TLE5: variants seen among roughly 807,000 people sequenced by gnomAD.
TLE5 encodes the protein TLE family member 5.
TLE5 carries 7 observed loss-of-function variants against 25.8 expected under a neutral mutation model. That is an observed-to-expected ratio of 0.27 (90% CI 0.15 to 0.51). The LOEUF (loss-of-function observed/expected upper bound fraction) is 0.51. TLE5 is among the 20% of genes least tolerant of loss of function. The probability of loss-of-function intolerance (pLI) is 0.97; values close to 1 mark genes in which losing one functional copy is unlikely to be tolerated. For missense variants in TLE5, 149 were observed against 250.7 expected, an observed-to-expected ratio of 0.59 and a Z score of 2.74; for synonymous variants, 132 against 110.5, an observed-to-expected ratio of 1.20 and a Z score of -1.22.
rs761344986 is a variant in TLE5 at position 3,053,852 on chromosome 19, G to A, written c.561C>T (p.Thr187=). 6.2e-6 allele frequency: 10 copies of A among 1,613,194 alleles called. No individual in the cohort carries two copies. Among genetic ancestry groups the A allele is most frequent in the Non-Finnish European group, 8.5e-6 (10 of 1,180,020 alleles). The change falls in exon 7 of 7, where the codon ACC becomes ACT. Residue 187 remains threonine (T), a synonymous_variant. Coordinates refer to ENST00000327141, the MANE Select transcript of TLE5 (RefSeq NM_001130.6). ...KEDKNGHDGD[T]HQEDDGEKSD is the part of the protein sequence containing the mutation. Reference sequence around the variant, plus strand: ...ACTTCTCGCCATCATCCTCCTGGTGGGTGTCACCATCGTGCCCGTTCTTGT... The same window carrying A: ...ACTTCTCGCCATCATCCTCCTGGTGAGTGTCACCATCGTGCCCGTTCTTGT...
chr19:3,058,349 G>A (rs1298959519), intron 2 of TLE5, among the ~76,000 whole-genome samples: 1 of 152,142 alleles, frequency 6.6e-6, no homozygotes, highest in African/African-American at 2.4e-5. Context: ...TGGACACCCA[G>A]AGAGGGTGAG....
chr19:3,053,367 T>G lies in TLE5; in HGVS notation c.*452A>C. ...GTGGGAGCATACCTGGGACCCGGGG[T>G]CGGGGGAGACTCGGGGTGCCCAGGA... is the stretch of plus-strand genomic sequence containing the variant. On this transcript the variant is annotated 3_prime_UTR_variant, in exon 7 of 7. Transcript: ENST00000327141. The G allele has an allele frequency of 6.1e-6, 1 of 165,054 alleles. No individual in the cohort carries two copies. Among genetic ancestry groups the G allele is most frequent in the Non-Finnish European group, 1.3e-5 (1 of 75,938 alleles). The allele number at this position is 165,054 out of a possible 1,614,324, so 10.2% of individuals were successfully genotyped here. A position where few individuals can be genotyped will look rare whatever the true frequency, so the allele number is the denominator to read the frequency against.
At chr19:3,059,702 C>T (rs2090248843) in intron 2 of TLE5, among the ~76,000 whole-genome samples, 1 of 152,086 alleles carries the variant, frequency 6.6e-6, no homozygotes, top group South Asian at 2.1e-4. Context: ...GGATGGAGAC[C>T]CCAAAGCTCA....
At chr19:3,061,770 A>AC (rs920461018) in intron 1 of TLE5, among the ~76,000 whole-genome samples, 6 of 147,910 alleles carry the variant, frequency 4.1e-5, no homozygotes, top group East Asian at 4.3e-4. Context: ...GCCTCGGATC[A>AC]CCCCCCCCAC....
chr19:3,055,493 C>T, intron 5 of TLE5, 171 bp downstream of exon 5: 1 of 465,812 alleles, frequency 2.1e-6, no homozygotes, highest in East Asian at 3.5e-5. Flanking sequence ...TGTCTCTGGC[C>T]CGGGGATTCT....
upstream of TLE5, chr19:3,062,894 C>T (rs979475484): frequency 4.9e-5 from 63 of 1,279,396 alleles, 1 homozygote; most frequent in Non-Finnish European, 6.0e-5. Context: ...GCGGTAATGC[C>T]GCCTTCCTGA....
intron 4 of TLE5, 176 bp downstream of exon 4, chr19:3,056,136 G>C (rs10426178): frequency 1.5e-4 from 77 of 528,162 alleles, no homozygotes; most frequent in Middle Eastern, 9.9e-4. Context: ...GGCGGGGCGG[G>C]GGGGAGGAGA....
intron 3 of TLE5, 170 bp downstream of exon 3, chr19:3,057,509 C>T (rs1466288043): frequency 1.4e-5 from 9 of 651,392 alleles, no homozygotes; most frequent in East Asian, 1.1e-4. Flanking sequence ...GCCAGGCTAG[C>T]GAGGCAGGCT....
At chr19:3,060,128 G>A (rs1206361318) in intron 2 of TLE5, among the ~76,000 whole-genome samples, 1 of 151,986 alleles carries the variant, frequency 6.6e-6, no homozygotes, top group African/African-American at 2.4e-5. Flanking sequence ...AAGGCCAAAC[G>A]GGGGTTTGAG....
chr19:3,056,990 C>T (rs1465668283), intron 3 of TLE5, among the ~76,000 whole-genome samples: 1 of 152,156 alleles, frequency 6.6e-6, no homozygotes, highest in Non-Finnish European at 1.5e-5. Context: ...TAGTCTTCCT[C>T]AGGCAGGTCC....
Position 3,056,371 on chromosome 19 carries a change from G to A in TLE5, c.190-15C>T. 1 of 1,051,518 alleles carries A rather than the reference G, an allele frequency of 9.5e-7. No homozygotes were observed. Among genetic ancestry groups the A allele is most frequent in the Non-Finnish European group, 1.3e-6 (1 of 785,362 alleles). 65.1% of individuals were successfully genotyped at this position (1,051,518 alleles called of 1,614,324 possible). The stretch of plus-strand genomic sequence containing the variant: ...ATCTCGTAGTACTGTATGGGGGAGA[G>A]AGAGGGGGAGCGGGAGATGGGGGTG... On this transcript the variant is annotated splice_polypyrimidine_tract_variant and intron_variant, in intron 3 of 6. Coordinates refer to ENST00000327141, the MANE Select transcript of TLE5 (RefSeq NM_001130.6).
chr19:3,062,705 A>C, upstream of TLE5: 1 of 1,509,096 alleles, frequency 6.6e-7, no homozygotes, highest in South Asian at 1.2e-5. Flanking sequence ...CCTACCCGGC[A>C]GCCGGCCGGG....
chr19:3,058,128 C>A (rs1449811277), intron 2 of TLE5, among the ~76,000 whole-genome samples: 1 of 151,964 alleles, frequency 6.6e-6, no homozygotes, highest in Non-Finnish European at 1.5e-5. Context: ...GGGAGAGCAT[C>A]AGGGCCCCTG....
At chr19:3,055,367 A>C (rs1430795885) in intron 5 of TLE5, 1 of 265,712 alleles carries the variant, frequency 3.8e-6, no homozygotes, top group East Asian at 6.5e-5. Flanking sequence ...ATGAGAAAAA[A>C]ACATTCCTGG....
chr19:3,062,708 C>T, upstream of TLE5: 1 of 1,514,450 alleles, frequency 6.6e-7, no homozygotes, highest in Non-Finnish European at 8.8e-7. Flanking sequence ...ACCCGGCAGC[C>T]GGCCGGGCCT....
chr19:3,061,488 CA>C (rs1347026776), intron 1 of TLE5: 7 of 342,720 alleles, frequency 2.0e-5, no homozygotes, highest in Non-Finnish European at 5.3e-6. Context: ...CCGCCACCCC[CA>C]GGCAGTGGGG....
intron 2 of TLE5, among the ~76,000 whole-genome samples, chr19:3,060,088 G>A (rs369751098): frequency 7.9e-5 from 12 of 152,176 alleles, no homozygotes; most frequent in Non-Finnish European, 1.3e-4. Flanking sequence ...CACTTCTGGG[G>A]TGGGCACGCT....
chr19:3,054,330 C>T (rs2090200177), intron 5 of TLE5, 136 bp from the exon 6 acceptor site: 1 of 801,298 alleles, frequency 1.2e-6, no homozygotes, highest in Admixed American at 2.2e-5. Flanking sequence ...TGGTTTTCAA[C>T]CCCATCAGAA....
chr19:3,060,667 T>C (rs762141029), intron 2 of TLE5, among the ~76,000 whole-genome samples: 1 of 152,128 alleles, frequency 6.6e-6, no homozygotes, highest in African/African-American at 2.4e-5. Context: ...GAGGACTAAA[T>C]AGTTCCTTCC....
Sources: gnomAD v4.1 joint callset for allele counts (sites outside exome capture counted in the v4.1 genomes callset) on GRCh38, gnomAD v4.1.1 for gene constraint, MANE v1.5 for transcripts, NCBI Gene and HGNC (gene_info 2026-07-23, HGNC 2026-07-21) for gene names.